Variants in SNX13 observed in about 807,000 individuals in gnomAD.
SNX13 encodes the protein sorting nexin 13, also known as sorting nexin-13.
In SNX13, 45 loss-of-function variants were observed where a neutral mutation model predicts 133.6. The observed-to-expected ratio is 0.34, with a 90% CI of 0.27 to 0.43. The LOEUF is 0.43. SNX13 is among the 20% of genes least tolerant of loss of function. The probability of loss-of-function intolerance (pLI) is 1.00; values close to 1 mark genes in which losing one functional copy is unlikely to be tolerated. For synonymous variants in SNX13, 414 were observed against 373.9 expected, an observed-to-expected ratio of 1.11 and a Z score of -1.24; for missense variants, 1,032 against 1,145.1, an observed-to-expected ratio of 0.90 and a Z score of 1.43.
intron 20 of SNX13, among the ~76,000 whole-genome samples, chr7:17,809,631 C>G (rs1003659448): frequency 2.6e-5 from 4 of 152,214 alleles, no homozygotes; most frequent in African/African-American, 7.2e-5. Context: ...TAACAGATAT[C>G]TACAGAACTC....
At chr7:17,902,242 GTTT>G (rs71010277) in intron 1 of SNX13, among the ~76,000 whole-genome samples, 2,201 of 120,304 alleles carry the variant, frequency 0.018, 58 homozygotes, top group African/African-American at 0.062. Context: ...TACTGTCATG[GTTT>G]TTTTTTTTTT....
At chr7:17,840,725 T>A (rs900332202) in intron 12 of SNX13, among the ~76,000 whole-genome samples, 3 of 152,106 alleles carry the variant, frequency 2.0e-5, no homozygotes, top group African/African-American at 4.8e-5. Context: ...AAGGCTGGAC[T>A]GAATTTGGCA....
chr7:17,865,838 A>G (rs1793333898), intron 9 of SNX13, among the ~76,000 whole-genome samples: 1 of 152,214 alleles, frequency 6.6e-6, no homozygotes, highest in South Asian at 2.1e-4. Context: ...AAACCCACAC[A>G]TTCACAGTAA....
At chr7:17,901,430 G>T (rs1323960846) in intron 1 of SNX13, among the ~76,000 whole-genome samples, 1 of 152,096 alleles carries the variant, frequency 6.6e-6, no homozygotes, top group African/African-American at 2.4e-5. Context: ...GTTTACTTAG[G>T]ACCCCCGAGC....
Position 17,861,052 on chromosome 7 carries a change from G to C in SNX13, c.837+7355C>G, listed in dbSNP as rs148222611. Among the ~76,000 whole-genome samples, 30 of 152,048 alleles carry C rather than the reference G, an allele frequency of 2.0e-4. No individual in the cohort carries two copies. In the East Asian group the frequency reaches 5.8e-3, roughly 29 times the overall value. Reference sequence around the variant, plus strand: ...TTTTTTTGTGATGGGGTCTTGCTCTGTTGCCTAGGCTGGAGTACAATGGCA... The same window carrying C: ...TTTTTTTGTGATGGGGTCTTGCTCTCTTGCCTAGGCTGGAGTACAATGGCA... On this transcript the variant is annotated intron_variant, in intron 9 of 25. Transcript: ENST00000428135.
At chr7:17,881,570 T>C (rs1393416759) in intron 5 of SNX13, 1 of 152,142 alleles carries the variant, frequency 6.6e-6, no homozygotes, top group Non-Finnish European at 1.5e-5. Context: ...TGAGAAAAGT[T>C]TTACTCCATT....
intron 11 of SNX13, among the ~76,000 whole-genome samples, chr7:17,849,405 G>C (rs919145993): frequency 6.6e-6 from 1 of 152,068 alleles, no homozygotes; most frequent in Non-Finnish European, 1.5e-5. Context: ...TAAATCAGGA[G>C]TATTGCAAAT....
chr7:17,913,754 CAAAAACA>C (rs1562515572), intron 1 of SNX13, among the ~76,000 whole-genome samples: 6 of 87,272 alleles, frequency 6.9e-5, no homozygotes, highest in Non-Finnish European at 4.9e-5. Flanking sequence ...AGCAAATTAA[CAAAAACA>C]AAAAAAAAAA....
Position 17,891,536 on chromosome 7 carries a change from T to C in SNX13, c.318+10A>G. 6.2e-7 allele frequency: 1 copy of C among 1,602,570 alleles called. No homozygotes were observed. The highest frequency in any genetic ancestry group is 1.7e-5 in the Admixed American group (1 of 59,830). ...TATATAGAATTCAAATACCACACGC[T>C]GAAACTCACTTGCTGGAGAGGTTCA... On this transcript the variant is annotated intron_variant, in intron 4 of 25. Coordinates refer to ENST00000428135, the MANE Select transcript of SNX13 (RefSeq NM_015132.5).
chr7:17,910,640 T>C (rs1180081960), intron 1 of SNX13, among the ~76,000 whole-genome samples: 2 of 152,138 alleles, frequency 1.3e-5, no homozygotes, highest in African/African-American at 4.8e-5. Context: ...CTAATTACTA[T>C]AGCCAAAAGG....
chr7:17,802,041 A>AT (rs1212243518), intron 21 of SNX13, among the ~76,000 whole-genome samples: 1 of 151,866 alleles, frequency 6.6e-6, no homozygotes, highest in South Asian at 2.1e-4. Context: ...TTTTTACTGC[A>AT]TTTTTTCTGT....
At chr7:17,848,832 G>T (rs1790858229) in intron 11 of SNX13, among the ~76,000 whole-genome samples, 1 of 152,216 alleles carries the variant, frequency 6.6e-6, no homozygotes, top group Admixed American at 6.5e-5. Flanking sequence ...AGACACCCCT[G>T]TTGCAAGTCC....
At chr7:17,798,637 A>T in intron 24 of SNX13, 53 bp downstream of exon 24, 1 of 1,318,952 alleles carries the variant, frequency 7.6e-7, no homozygotes, top group Non-Finnish European at 1.1e-6. Flanking sequence ...ATTAGTGATA[A>T]CAATGCTAAA....
At chr7:17,840,848 GCAAT>G (rs1789786412) in intron 12 of SNX13, among the ~76,000 whole-genome samples, 1 of 152,030 alleles carries the variant, frequency 6.6e-6, no homozygotes, top group Admixed American at 6.6e-5. Context: ...CACAACAAGT[GCAAT>G]GGCAGAATCT....
intron 18 of SNX13, among the ~76,000 whole-genome samples, chr7:17,817,378 C>G (rs747704722): frequency 6.6e-6 from 1 of 152,142 alleles, no homozygotes; most frequent in African/African-American, 2.4e-5. Flanking sequence ...GATACATATC[C>G]TAAAGCGAAA....
chr7:17,841,562 A>ACACACACACACACACACACACACG (rs1789889077), intron 12 of SNX13, among the ~76,000 whole-genome samples: 1 of 150,872 alleles, frequency 6.6e-6, no homozygotes, highest in Non-Finnish European at 1.5e-5. Flanking sequence ...ATACACACAC[A>ACACACACACACACACACACACACG]CACACACACA....
chr7:17,900,985 T>G (rs1226427717), intron 1 of SNX13, among the ~76,000 whole-genome samples: 1 of 152,082 alleles, frequency 6.6e-6, no homozygotes, highest in Non-Finnish European at 1.5e-5. Flanking sequence ...CCTGGGTACC[T>G]ACTGCTACTG....
chr7:17,921,587 A>G (rs1296109106), intron 1 of SNX13, among the ~76,000 whole-genome samples: 3 of 152,190 alleles, frequency 2.0e-5, no homozygotes, highest in Admixed American at 6.5e-5. Context: ...GATCAAAACC[A>G]TAACTCCCAG....
chr7:17,875,852 AT>A, intron 5 of SNX13, 62 bp from the exon 6 acceptor site: 27 of 1,337,566 alleles, frequency 2.0e-5, no homozygotes, highest in Non-Finnish European at 2.7e-5. Flanking sequence ...ATATAAATTC[AT>A]TTTAATGACT....
Sources: gnomAD v4.1 joint callset for allele counts (sites outside exome capture counted in the v4.1 genomes callset) on GRCh38, gnomAD v4.1.1 for gene constraint, MANE v1.5 for transcripts, NCBI Gene and HGNC (gene_info 2026-07-23, HGNC 2026-07-21) for gene names.